RBFOX1: variants seen among roughly 807,000 people sequenced by gnomAD.
RBFOX1 encodes the protein RNA binding protein fox-1 homolog 1.
RBFOX1 carries 8 observed loss-of-function variants against 57.7 expected under a neutral mutation model. The observed-to-expected ratio is 0.14, with a 90% confidence interval of 0.08 to 0.25. The LOEUF (loss-of-function observed/expected upper bound fraction) is 0.25, where lower values mean the gene tolerates loss of function less well. RBFOX1 is among the 10% of genes least tolerant of loss of function. The probability of loss-of-function intolerance (pLI) is 1.00; values close to 1 mark genes in which losing one functional copy is unlikely to be tolerated. For synonymous variants in RBFOX1, 326 were observed against 222.4 expected, an observed-to-expected ratio of 1.47 and a Z score of -4.15; for missense variants, 611 against 548.5, an observed-to-expected ratio of 1.11 and a Z score of -1.14.
At chr16:6,076,638 A>G (rs2095905832) in intron 1 of RBFOX1, among the ~76,000 whole-genome samples, 1 of 124,720 alleles carries the variant, frequency 8.0e-6, no homozygotes, top group Admixed American at 7.8e-5. Context: ...TGGGAAATCT[A>G]TAAAATTTTT....
At position 6,540,484 on chromosome 16, in the gene RBFOX1, C is replaced by T. The variant is rs140232675; in HGVS notation, c.-63-114119C>T. 2.6e-5 allele frequency among the ~76,000 whole-genome samples: 4 copies of T among 151,782 alleles called. No individual in the cohort carries two copies. In the East Asian group the frequency reaches 5.9e-4, roughly 22 times the overall value. On this transcript the variant is annotated intron_variant, in intron 2 of 15. Transcript: ENST00000550418. ...AAAATTAGCCAGGTGTGGTGGCATG[C>T]GCATGTAGTCCTAGCTACTCAGGAG... is the stretch of plus-strand genomic sequence containing the variant.
chr16:6,472,053 C>G (rs778904977), intron 2 of RBFOX1, among the ~76,000 whole-genome samples: 1 of 152,004 alleles, frequency 6.6e-6, no homozygotes, highest in Non-Finnish European at 1.5e-5. Flanking sequence ...CCCATTCTTT[C>G]TCTATATACT....
At position 6,569,447 on chromosome 16, in the gene RBFOX1, C is replaced by G. The variant is rs137997687; in HGVS notation, c.-63-85156C>G. ...TGTTGACTTTTATTCTTTGGATTAT[C>G]CCACAGCTAATCAGTGCCAAAGTAA... On this transcript the variant is annotated intron_variant, in intron 2 of 15. Transcript: ENST00000550418. Among the ~76,000 whole-genome samples the G allele has an allele frequency of 3.5e-3, 527 of 152,270 alleles. 4 individuals are homozygous for G. Among genetic ancestry groups the G allele is most frequent in the African/African-American group, 0.012 (497 of 41,556 alleles).
At chr16:6,965,935 G>A (rs1157453834) in intron 3 of RBFOX1, among the ~76,000 whole-genome samples, 1 of 152,148 alleles carries the variant, frequency 6.6e-6, no homozygotes, top group East Asian at 1.9e-4. Flanking sequence ...TTTAGCATCG[G>A]GGGATCCAGT....
At chr16:6,659,034 T>C (rs547691507) in intron 3 of RBFOX1, among the ~76,000 whole-genome samples, 5 of 152,012 alleles carry the variant, frequency 3.3e-5, no homozygotes, top group African/African-American at 1.2e-4. Context: ...TTGGAGTGGC[T>C]GTATGGCCTC....
chr16:5,757,213 T>C (rs1382090291), intron 3 of RBFOX1, among the ~76,000 whole-genome samples: 2 of 151,500 alleles, frequency 1.3e-5, no homozygotes, highest in Non-Finnish European at 2.9e-5. Flanking sequence ...GGAAGGTTTT[T>C]TTTGTTTTGG....
chr16:5,258,811 G>A (rs570550576), intron 1 of RBFOX1, among the ~76,000 whole-genome samples: 85 of 152,238 alleles, frequency 5.6e-4, no homozygotes, highest in African/African-American at 2.0e-3. Flanking sequence ...ACCTACTCGG[G>A]AGGCTGAGGC....
chr16:7,621,924 T>A (rs1436694491), intron 10 of RBFOX1, among the ~76,000 whole-genome samples: 1 of 152,208 alleles, frequency 6.6e-6, no homozygotes, highest in Admixed American at 6.5e-5. Context: ...TACACAAAAA[T>A]GAATAGATGT....
At chr16:7,074,312 C>A (rs529523331) in intron 4 of RBFOX1, among the ~76,000 whole-genome samples, 3 of 152,276 alleles carry the variant, frequency 2.0e-5, no homozygotes, top group Admixed American at 2.0e-4. Context: ...AAACCATAAG[C>A]AAGAACCAAA....
At chr16:5,467,655 A>T (rs1188295884) in intron 2 of RBFOX1, among the ~76,000 whole-genome samples, 2 of 152,180 alleles carry the variant, frequency 1.3e-5, no homozygotes, top group African/African-American at 4.8e-5. Context: ...TTGGCCATGT[A>T]AGAATATAAT....
chr16:6,652,961 A>C (rs1189646061), intron 2 of RBFOX1, among the ~76,000 whole-genome samples: 2 of 152,204 alleles, frequency 1.3e-5, no homozygotes, highest in Non-Finnish European at 2.9e-5. Context: ...CACTGATCTC[A>C]AAATAAAGTA....
chr16:7,365,075 A>G (rs371958191), intron 4 of RBFOX1, among the ~76,000 whole-genome samples: 9 of 151,956 alleles, frequency 5.9e-5, no homozygotes, highest in East Asian at 1.9e-4. Context: ...TCATTCGTCT[A>G]TCTATCTATC....
chr16:6,129,550 A>G (rs2096614468), intron 1 of RBFOX1, among the ~76,000 whole-genome samples: 1 of 152,096 alleles, frequency 6.6e-6, no homozygotes, highest in Non-Finnish European at 1.5e-5. Flanking sequence ...AGTCTGATAT[A>G]TCTGTGATTG....
chr16:7,639,225 C>G (rs1472237538), intron 11 of RBFOX1, among the ~76,000 whole-genome samples: 2 of 152,206 alleles, frequency 1.3e-5, no homozygotes, highest in African/African-American at 4.8e-5. Context: ...ACTCCATTGT[C>G]TTACCCAGGA....
At chr16:6,819,184 C>T (rs1954811221) in intron 3 of RBFOX1, among the ~76,000 whole-genome samples, 1 of 152,134 alleles carries the variant, frequency 6.6e-6, no homozygotes, top group Admixed American at 6.5e-5. Flanking sequence ...ACTGGAGTGT[C>T]CTAACATTCT....
chr16:6,505,498 C>G (rs941081770), intron 2 of RBFOX1, among the ~76,000 whole-genome samples: 1 of 152,254 alleles, frequency 6.6e-6, no homozygotes, highest in Non-Finnish European at 1.5e-5. Context: ...TAGGTATTCT[C>G]GAATGCAGTT....
At chr16:6,572,889 C>T (rs570803175) in intron 2 of RBFOX1, among the ~76,000 whole-genome samples, 2 of 152,244 alleles carry the variant, frequency 1.3e-5, no homozygotes, top group South Asian at 4.1e-4. Context: ...CCCGCATGCC[C>T]AGCCATCAAT....
intron 1 of RBFOX1, among the ~76,000 whole-genome samples, chr16:6,182,543 T>G (rs1567628887): frequency 6.6e-6 from 1 of 152,234 alleles, no homozygotes; most frequent in East Asian, 1.9e-4. Context: ...CTATTTTTAT[T>G]GCCACATAAC....
chr16:6,927,372 C>T (rs185714278), intron 3 of RBFOX1, among the ~76,000 whole-genome samples: 25 of 141,772 alleles, frequency 1.8e-4, no homozygotes, highest in South Asian at 6.9e-4. Flanking sequence ...GAGATCGCAC[C>T]GCTCCACTCC....
Sources: gnomAD v4.1 joint callset for allele counts (sites outside exome capture counted in the v4.1 genomes callset) on GRCh38, gnomAD v4.1.1 for gene constraint, MANE v1.5 for transcripts, NCBI Gene and HGNC (gene_info 2026-07-23, HGNC 2026-07-21) for gene names.